KNDC1: variants seen among roughly 807,000 people sequenced by gnomAD.
The protein encoded by KNDC1 is kinase non-catalytic C-lobe domain-containing protein 1.
A neutral mutation model predicts 172.8 loss-of-function variants in KNDC1; 106 were observed. The observed-to-expected ratio is 0.61, with a 90% CI of 0.52 to 0.72. The LOEUF is 0.72. KNDC1 is among the 30% of genes least tolerant of loss of function. The pLI is 0.00. For synonymous variants in KNDC1, 1,083 were observed against 1,062.2 expected (o/e 1.02, Z -0.38); for missense variants, 2,325 against 2,394.5 (o/e 0.97, Z 0.61).
At chr10:133,197,385 C>T (rs1854223933) in intron 11 of KNDC1, among the ~76,000 whole-genome samples, 1 of 152,170 alleles carries the variant, frequency 6.6e-6, no homozygotes, top group African/African-American at 2.4e-5. Flanking sequence ...AGCACCCACC[C>T]CGGGCGCAGA....
intron 6 of KNDC1, among the ~76,000 whole-genome samples, chr10:133,187,837 C>T (rs1298563442): frequency 6.6e-6 from 1 of 152,178 alleles, no homozygotes; most frequent in African/African-American, 2.4e-5. Context: ...GGTGTGTTCA[C>T]GCTGTTGCAC....
chr10:133,166,061 G>C (rs1217403626), intron 1 of KNDC1, among the ~76,000 whole-genome samples: 1 of 152,214 alleles, frequency 6.6e-6, no homozygotes, highest in Non-Finnish European at 1.5e-5. Flanking sequence ...CTCCTGCTTT[G>C]GTTTGAGCCC....
At chr10:133,198,551 C>T (rs1268706108) in intron 13 of KNDC1, 27 bp from the exon 14 acceptor site, 6 of 1,577,492 alleles carry the variant, frequency 3.8e-6, no homozygotes, top group Non-Finnish European at 5.2e-6. Context: ...CGCAGGCAGC[C>T]CCTCCTGAGC....
Position 133,218,927 on chromosome 10 carries a change from G to A in KNDC1, c.4774G>A (p.Glu1592Lys). The A allele has an allele frequency of 1.2e-6, 2 of 1,613,782 alleles. No individual in the cohort carries two copies. Among genetic ancestry groups the A allele is most frequent in the Non-Finnish European group, 1.7e-6 (2 of 1,179,898 alleles). The part of the protein sequence containing the change: ...ATAMQILSGL[E>K]HLAVRQSPAW... The stretch of plus-strand genomic sequence containing the variant: ...AGCCATGCAGATCCTGAGCGGGCTG[G>A]AGCACCTGGCCGTGAGGCAGTCCCC... Residue 1592 changes from glutamate to lysine, a missense_variant, in exon 27 of 30, where the codon GAG (glutamate) becomes AAG (lysine). Transcript: ENST00000304613.
At position 133,188,583 on chromosome 10, in the gene KNDC1, C is replaced by G; in HGVS notation, c.1371C>G (p.Phe457Leu). Residue 457 changes from phenylalanine (F) to leucine (L), a missense_variant, in exon 7 of 30, where the codon TTC (phenylalanine) becomes TTG (leucine). By Grantham distance (22) the Phe-to-Leu change is conservative. Coordinates refer to ENST00000304613, the MANE Select transcript of KNDC1 (RefSeq NM_152643.8). ...QDLLSQLGRP[F>L]REYELWALCL... ...TCCTGTCCCAGCTGGGCCGGCCCTT[C>G]CGGGAGTACGAGCTGTGGGCCCTGT... 6.3e-7 allele frequency: 1 copy of G among 1,593,522 alleles called. No homozygotes were observed. Among genetic ancestry groups the G allele is most frequent in the Non-Finnish European group, 8.5e-7 (1 of 1,171,272 alleles).
intron 3 of KNDC1, among the ~76,000 whole-genome samples, chr10:133,181,884 C>G (rs901702213): frequency 7.0e-6 from 1 of 142,542 alleles, no homozygotes; most frequent in African/African-American, 2.6e-5. Flanking sequence ...GTGGAACCAC[C>G]TGCGAGGCAG....
chr10:133,222,630 T>C (rs1473075675), intron 29 of KNDC1, among the ~76,000 whole-genome samples: 2 of 24,056 alleles, frequency 8.3e-5, no homozygotes, highest in African/African-American at 2.0e-4. Flanking sequence ...CGTGTGTCTG[T>C]GTGTGTGTGA....
At chr10:133,177,620 A>T (rs553981582) in intron 3 of KNDC1, among the ~76,000 whole-genome samples, 1 of 151,958 alleles carries the variant, frequency 6.6e-6, no homozygotes, top group East Asian at 1.9e-4. Context: ...GTGCATGCAC[A>T]TAGTGTGTTG....
At position 133,189,737 on chromosome 10, in the gene KNDC1, G is replaced by GGGT. The variant is rs1854027068; in HGVS notation, c.1514-14_1514-12dup. 10 of 1,614,032 alleles carry GGGT rather than the reference G, an allele frequency of 6.2e-6. No individual in the cohort carries two copies. The highest frequency in any genetic ancestry group is 8.5e-6 in the Non-Finnish European group (10 of 1,179,974). ...CGCCAGGGGTGAGGAAAGCTCAGTC[G>GGGT]GGTTTCTCTCTTAGGTTCCTATGAC... On this transcript the variant is annotated splice_polypyrimidine_tract_variant and intron_variant, in intron 8 of 29. Transcript: ENST00000304613.
At chr10:133,177,380 G>A (rs967001860) in intron 3 of KNDC1, among the ~76,000 whole-genome samples, 8 of 152,192 alleles carry the variant, frequency 5.3e-5, no homozygotes, top group East Asian at 3.9e-4. Flanking sequence ...TTGTGCACAC[G>A]TATGCAGTAT....
intron 17 of KNDC1, among the ~76,000 whole-genome samples, chr10:133,205,174 C>T (rs1845152244): frequency 1.3e-5 from 2 of 152,340 alleles, no homozygotes; most frequent in Middle Eastern, 3.4e-3. Flanking sequence ...CCAGCCTCTA[C>T]GCCCGTGTGC....
intron 3 of KNDC1, 57 bp downstream of exon 3, chr10:133,168,369 T>C: frequency 6.5e-7 from 1 of 1,529,842 alleles, no homozygotes; most frequent in Non-Finnish European, 9.1e-7. Flanking sequence ...TGGTGGCCTC[T>C]GCCATTAACT....
intron 3 of KNDC1, among the ~76,000 whole-genome samples, chr10:133,180,736 C>T (rs1038255415): frequency 4.6e-5 from 7 of 152,346 alleles, no homozygotes; most frequent in Middle Eastern, 3.4e-3. Context: ...CAGGCTGAGG[C>T]GAGCCCTGAT....
chr10:133,220,257 G>C (rs1845559322), intron 29 of KNDC1, 145 bp downstream of exon 29: 1 of 300,224 alleles, frequency 3.3e-6, no homozygotes, highest in Non-Finnish European at 5.7e-6. Context: ...AGGGGCTCAG[G>C]CGGGCGCGCG....
intron 26 of KNDC1, 122 bp downstream of exon 26, chr10:133,214,244 T>A: frequency 2.7e-6 from 3 of 1,106,014 alleles, no homozygotes; most frequent in South Asian, 3.0e-5. Context: ...CAACTCTGTG[T>A]CCCTTGGAAC....
chr10:133,205,822 G>C (rs1311716803), intron 17 of KNDC1, among the ~76,000 whole-genome samples: 1 of 152,044 alleles, frequency 6.6e-6, no homozygotes, highest in Non-Finnish European at 1.5e-5. Context: ...GCAGCAGAGC[G>C]AATCGGGCCA....
chr10:133,197,988 A>T (rs924178385), intron 12 of KNDC1, among the ~76,000 whole-genome samples: 2 of 150,246 alleles, frequency 1.3e-5, no homozygotes, highest in African/African-American at 4.9e-5. Context: ...CCAGGTTCTC[A>T]CTCCCATCTC....
rs184716556 is a variant in KNDC1, at chr10:133,185,569, C to T, written c.626-405C>T. Among the ~76,000 whole-genome samples, 46 of 152,028 alleles carry T rather than the reference C, an allele frequency of 3.0e-4. 1 individual carries two copies. Among genetic ancestry groups the T allele is most frequent in the East Asian group, 1.6e-3 (8 of 5,092 alleles). Reference sequence around the variant, plus strand: ...AGAGATCAACGCCGTGTGTGGGAGGCGGCCGCTGACGGCCGTAGCCACATC... The same window carrying T: ...AGAGATCAACGCCGTGTGTGGGAGGTGGCCGCTGACGGCCGTAGCCACATC... On this transcript the variant is annotated intron_variant, in intron 5 of 29. Coordinates refer to ENST00000304613, the MANE Select transcript of KNDC1 (RefSeq NM_152643.8).
At chr10:133,172,566 C>G (rs115307843) in intron 3 of KNDC1, among the ~76,000 whole-genome samples, 1 of 152,182 alleles carries the variant, frequency 6.6e-6, no homozygotes, top group African/African-American at 2.4e-5. Context: ...CCTGTATAAG[C>G]AGCACCCCCT....
Sources: gnomAD v4.1 joint callset for allele counts (sites outside exome capture counted in the v4.1 genomes callset) on GRCh38, gnomAD v4.1.1 for gene constraint, MANE v1.5 for transcripts, NCBI Gene and HGNC (gene_info 2026-07-23, HGNC 2026-07-21) for gene names.